The following PTPRG variants were observed in gnomAD, a reference collection of about 807,000 sequenced individuals.
PTPRG encodes protein tyrosine phosphatase receptor type G.
A neutral mutation model predicts 165.3 loss-of-function variants in PTPRG; 102 were observed. The observed-to-expected ratio is 0.62, with a 90% CI of 0.53 to 0.73. The LOEUF is 0.73. Among genes scored for constraint, PTPRG ranks in the 30% least tolerant of loss-of-function variants. The pLI is 0.00. For missense variants in PTPRG, 1,866 were observed against 1,861.4 expected (o/e 1.00, Z -0.05); for synonymous variants, 675 against 669.5 (o/e 1.01, Z -0.13).
At chr3:61,755,701 G>T (rs1319238493) in intron 2 of PTPRG, among the ~76,000 whole-genome samples, 2 of 152,200 alleles carry the variant, frequency 1.3e-5, no homozygotes, top group Non-Finnish European at 2.9e-5. Context: ...GGCTCTGGCA[G>T]TGATTAGAGA....
chr3:61,769,648 G>A (rs1056886710), intron 2 of PTPRG: 3 of 152,130 alleles, frequency 2.0e-5, no homozygotes, highest in Non-Finnish European at 2.9e-5. Context: ...GAAGATTTTA[G>A]TCAAGCCAGA....
intron 4 of PTPRG, among the ~76,000 whole-genome samples, chr3:62,047,847 C>T (rs1317401950): frequency 1.3e-5 from 2 of 152,068 alleles, no homozygotes; most frequent in African/African-American, 4.8e-5. Flanking sequence ...ACCATTCCCT[C>T]CCCCAGCCTT....
chr3:62,270,482 G>C (rs567765435), intron 20 of PTPRG, among the ~76,000 whole-genome samples: 17 of 152,112 alleles, frequency 1.1e-4, no homozygotes, highest in Non-Finnish European at 2.1e-4. Context: ...AAGCCCAACT[G>C]ATGAGAATAT....
chr3:62,166,527 G>C (rs948263238), intron 7 of PTPRG, among the ~76,000 whole-genome samples: 1 of 151,212 alleles, frequency 6.6e-6, no homozygotes, highest in African/African-American at 2.4e-5. Flanking sequence ...GTAGAGACAG[G>C]GTTTCACCAT....
At chr3:62,107,265 C>G (rs1031459527) in intron 5 of PTPRG, among the ~76,000 whole-genome samples, 1 of 152,220 alleles carries the variant, frequency 6.6e-6, no homozygotes, top group Non-Finnish European at 1.5e-5. Flanking sequence ...GCAAATCACT[C>G]ATACCATGAA....
chr3:61,895,956 CA>C (rs770950522), intron 2 of PTPRG, among the ~76,000 whole-genome samples: 1 of 152,084 alleles, frequency 6.6e-6, no homozygotes, highest in South Asian at 2.1e-4. Flanking sequence ...CTAGTTTCCC[CA>C]AAGGTAGCAT....
chr3:62,156,368 GATTAATC>G (rs1704537527), intron 6 of PTPRG, among the ~76,000 whole-genome samples: 1 of 152,100 alleles, frequency 6.6e-6, no homozygotes, highest in Non-Finnish European at 1.5e-5. Flanking sequence ...TTTCCTCATA[GATTAATC>G]ATATTTTCAT....
chr3:61,692,756 G>T (rs1013435547), intron 1 of PTPRG, among the ~76,000 whole-genome samples: 3 of 152,134 alleles, frequency 2.0e-5, no homozygotes, highest in African/African-American at 7.2e-5. Flanking sequence ...GCAGGAACAG[G>T]CCATTTTCAT....
At chr3:61,849,756 C>T (rs1390272762) in intron 2 of PTPRG, among the ~76,000 whole-genome samples, 3 of 152,172 alleles carry the variant, frequency 2.0e-5, no homozygotes, top group East Asian at 1.9e-4. Flanking sequence ...ACAAATCCTG[C>T]GTATACCCAT....
chr3:61,982,790 G>A (rs1045417051), intron 2 of PTPRG, among the ~76,000 whole-genome samples: 6 of 152,130 alleles, frequency 3.9e-5, no homozygotes, highest in African/African-American at 1.4e-4. Flanking sequence ...AATTTTACCT[G>A]AAATAGTTTT....
chr3:62,046,445 T>C (rs781699706), intron 4 of PTPRG, among the ~76,000 whole-genome samples: 6 of 152,190 alleles, frequency 3.9e-5, no homozygotes, highest in Non-Finnish European at 2.9e-5. Flanking sequence ...AAGTACCTTA[T>C]GTATACACTT....
chr3:61,655,423 T>A (rs1045609614), intron 1 of PTPRG, among the ~76,000 whole-genome samples: 2 of 152,180 alleles, frequency 1.3e-5, no homozygotes. Context: ...TATCATATGG[T>A]CCCAGGATAC....
At chr3:61,738,258 T>A (rs111349114) in intron 1 of PTPRG, among the ~76,000 whole-genome samples, 950 of 8,350 alleles carry the variant, frequency 0.11, 64 homozygotes, top group East Asian at 0.38. Flanking sequence ...TTGTCCATTT[T>A]TATATATATA....
intron 2 of PTPRG, among the ~76,000 whole-genome samples, chr3:61,985,988 G>A (rs1460487893): frequency 2.6e-5 from 4 of 152,184 alleles, no homozygotes; most frequent in Non-Finnish European, 5.9e-5. Flanking sequence ...TACTCCTGAA[G>A]TTGACATCCT....
intron 4 of PTPRG, among the ~76,000 whole-genome samples, chr3:62,017,449 T>A (rs1175194729): frequency 6.6e-6 from 1 of 150,944 alleles, no homozygotes; most frequent in African/African-American, 2.4e-5. Context: ...GGAGTCTCGC[T>A]CTTTCGCCCA....
intron 2 of PTPRG, among the ~76,000 whole-genome samples, chr3:61,906,207 C>T (rs2038645957): frequency 6.6e-6 from 1 of 151,552 alleles, no homozygotes; most frequent in Non-Finnish European, 1.5e-5. Context: ...GTAATCCCAG[C>T]ACTTTGAGAG....
chr3:62,110,381 C>T (rs908840979), intron 5 of PTPRG, among the ~76,000 whole-genome samples: 2 of 151,994 alleles, frequency 1.3e-5, no homozygotes, highest in African/African-American at 2.4e-5. Context: ...TTACATCGGA[C>T]GTTCCATAAT....
At chr3:61,882,090 T>G (rs1472712159) in intron 2 of PTPRG, among the ~76,000 whole-genome samples, 1 of 152,188 alleles carries the variant, frequency 6.6e-6, no homozygotes, top group Non-Finnish European at 1.5e-5. Context: ...TATACCCCCT[T>G]TTAAAGAAAA....
chr3:61,913,804 G>C (rs537727449), intron 2 of PTPRG, among the ~76,000 whole-genome samples: 13 of 152,236 alleles, frequency 8.5e-5, no homozygotes, highest in African/African-American at 3.1e-4. Flanking sequence ...GAACATACTT[G>C]GTTATGTGAC....
Sources: gnomAD v4.1 joint callset for allele counts (sites outside exome capture counted in the v4.1 genomes callset) on GRCh38, gnomAD v4.1.1 for gene constraint, MANE v1.5 for transcripts, NCBI Gene and HGNC (gene_info 2026-07-23, HGNC 2026-07-21) for gene names.